The following LINGO2 variants were observed in gnomAD, a reference collection of about 807,000 sequenced individuals.
The protein encoded by LINGO2 is leucine-rich repeat and immunoglobulin-like domain-containing nogo receptor-interacting protein 2.
Under a neutral mutation model 30.6 loss-of-function variants are expected in LINGO2, and 14 were observed. The observed-to-expected ratio is 0.46, with a 90% CI of 0.30 to 0.72. The LOEUF is 0.72. Ranked by LOEUF, LINGO2 falls within the 30% of genes least tolerant of loss-of-function variation. LINGO2 has a pLI of 0.07. For synonymous variants in LINGO2, 317 were observed against 288.5 expected (o/e 1.10, Z -1.00); for missense variants, 729 against 751.7 (o/e 0.97, Z 0.35).
chr9:28,997,181 C>T, the LINGO2 span, among the ~76,000 whole-genome samples: 1 of 152,146 alleles, frequency 6.6e-6, no homozygotes, highest in Non-Finnish European at 1.5e-5. Context: ...GTAATCCCAG[C>T]ACTCTGGGAG....
At chr9:28,274,110 A>T (rs1823035601) in intron 4 of LINGO2, among the ~76,000 whole-genome samples, 1 of 152,170 alleles carries the variant, frequency 6.6e-6, no homozygotes, top group African/African-American at 2.4e-5. Context: ...AGATGATGAC[A>T]TCTATGGACA....
the LINGO2 span, among the ~76,000 whole-genome samples, chr9:28,947,826 G>A: frequency 2.6e-5 from 4 of 151,804 alleles, no homozygotes; most frequent in Non-Finnish European, 5.9e-5. Flanking sequence ...ACCACAACAT[G>A]AAGCAATTTC....
chr9:29,155,796 G>GA, the LINGO2 span, among the ~76,000 whole-genome samples: 21 of 151,536 alleles, frequency 1.4e-4, no homozygotes, highest in East Asian at 3.5e-3. Flanking sequence ...TTCCTTTTTT[G>GA]AAAAAATGAC....
At chr9:28,619,152 G>A (rs1163630537) in intron 1 of LINGO2, among the ~76,000 whole-genome samples, 1 of 152,044 alleles carries the variant, frequency 6.6e-6, no homozygotes, top group East Asian at 1.9e-4. Flanking sequence ...GGTTTTATAT[G>A]GGCTAGTGAA....
chr9:28,961,516 A>G, the LINGO2 span, among the ~76,000 whole-genome samples: 2 of 152,170 alleles, frequency 1.3e-5, no homozygotes, highest in African/African-American at 4.8e-5. Context: ...TAGGATATGC[A>G]CTTAAACTAC....
the LINGO2 span, among the ~76,000 whole-genome samples, chr9:29,142,373 A>T: frequency 2.0e-5 from 3 of 152,012 alleles, no homozygotes; most frequent in East Asian, 5.8e-4. Context: ...CAAAGTATCA[A>T]AACTTATGGG....
intron 2 of LINGO2, among the ~76,000 whole-genome samples, chr9:28,438,665 C>T (rs1824054513): frequency 6.6e-6 from 1 of 152,010 alleles, no homozygotes; most frequent in Non-Finnish European, 1.5e-5. Context: ...AGAACCCTGA[C>T]TAATGCATCA....
chr9:28,538,890 A>T (rs2135453183), intron 1 of LINGO2, among the ~76,000 whole-genome samples: 1 of 152,216 alleles, frequency 6.6e-6, no homozygotes, highest in South Asian at 2.1e-4. Context: ...GCAGCTAATA[A>T]AATAGATTGA....
At chr9:28,241,451 G>A (rs777133786) in intron 4 of LINGO2, among the ~76,000 whole-genome samples, 2 of 152,036 alleles carry the variant, frequency 1.3e-5, no homozygotes, top group African/African-American at 2.4e-5. Flanking sequence ...CTGACTAGGC[G>A]GCAGGTATGA....
At position 28,307,280 on chromosome 9, in the gene LINGO2, T is replaced by C. The variant is rs952738873; in HGVS notation, c.-245-11914A>G. Among the ~76,000 whole-genome samples, 30 of 152,024 alleles carry C rather than the reference T, an allele frequency of 2.0e-4. 1 individual carries two copies. Among genetic ancestry groups the C allele is most frequent in the South Asian group, 1.2e-3 (6 of 4,810 alleles). ...GGATGCAAGGCTGGTTCAATATATGTAAATCAATAAATGTAATCCAGCACA... is the reference window on the plus strand; with the variant it reads ...GGATGCAAGGCTGGTTCAATATATGCAAATCAATAAATGTAATCCAGCACA... On this transcript the variant is annotated intron_variant, in intron 3 of 5. Transcript: ENST00000379992.
At chr9:28,197,162 T>C (rs1820043428) in intron 4 of LINGO2, among the ~76,000 whole-genome samples, 2 of 152,026 alleles carry the variant, frequency 1.3e-5, no homozygotes, top group South Asian at 2.1e-4. Context: ...GCATCACATG[T>C]AGCCCATGAA....
chr9:29,102,886 T>A, the LINGO2 span, among the ~76,000 whole-genome samples: 1 of 151,998 alleles, frequency 6.6e-6, no homozygotes, highest in Non-Finnish European at 1.5e-5. Flanking sequence ...ACTTCCACAA[T>A]CTCCATTGAA....
the LINGO2 span, among the ~76,000 whole-genome samples, chr9:29,129,982 C>G: frequency 1.3e-5 from 2 of 152,118 alleles, no homozygotes; most frequent in African/African-American, 4.8e-5. Context: ...TTAGAATGCA[C>G]TTTTGGTAAA....
intron 4 of LINGO2, among the ~76,000 whole-genome samples, chr9:28,283,761 A>T (rs1322050455): frequency 6.6e-6 from 1 of 152,128 alleles, no homozygotes; most frequent in African/African-American, 2.4e-5. Context: ...AAATACCTGT[A>T]TTAAGGCTGT....
At chr9:28,219,554 T>C (rs577254888) in intron 4 of LINGO2, among the ~76,000 whole-genome samples, 2 of 152,322 alleles carry the variant, frequency 1.3e-5, no homozygotes, top group East Asian at 1.9e-4. Context: ...TCCTACAGAA[T>C]GCCTGTCACA....
the LINGO2 span, among the ~76,000 whole-genome samples, chr9:28,778,502 T>C: frequency 6.6e-6 from 1 of 152,126 alleles, no homozygotes; most frequent in Non-Finnish European, 1.5e-5. Context: ...TAAATTTAAT[T>C]CTCTCAAAAG....
chr9:28,489,895 T>TAA (rs1292588190), intron 1 of LINGO2, among the ~76,000 whole-genome samples: 1 of 38,690 alleles, frequency 2.6e-5, no homozygotes, highest in Non-Finnish European at 4.3e-5. Flanking sequence ...AGACTTTGTC[T>TAA]CAAAAAAAAA....
chr9:28,108,464 T>C (rs1325883327), intron 4 of LINGO2, among the ~76,000 whole-genome samples: 2 of 151,560 alleles, frequency 1.3e-5, no homozygotes, highest in South Asian at 2.1e-4. Context: ...TGGCCATCGA[T>C]CTTTTATACT....
the LINGO2 span, among the ~76,000 whole-genome samples, chr9:29,172,146 A>G: frequency 6.6e-5 from 10 of 151,936 alleles, no homozygotes; most frequent in Non-Finnish European, 1.3e-4. Context: ...TATTTTTTAA[A>G]TCTTGACAGA....
Sources: allele counts gnomAD v4.1 joint callset (sites outside exome capture counted in the v4.1 genomes callset), GRCh38; gene constraint gnomAD v4.1.1; transcripts MANE v1.5; gene names NCBI Gene and HGNC (gene_info 2026-07-23, HGNC 2026-07-21).